Variants in MYO16 observed in about 807,000 individuals in gnomAD.
The protein encoded by MYO16 is unconventional myosin-XVI.
A neutral mutation model predicts 205.3 loss-of-function variants in MYO16; 94 were observed. The observed-to-expected ratio is 0.46, with a 90% CI of 0.39 to 0.54. The LOEUF (loss-of-function observed/expected upper bound fraction) is 0.54, where lower values mean the gene tolerates loss of function less well. MYO16 is among the 20% of genes least tolerant of loss of function. MYO16 has a pLI of 0.00. For synonymous variants in MYO16, 988 were observed against 954.0 expected (o/e 1.04, Z -0.66); for missense variants, 2,315 against 2,387.5 (o/e 0.97, Z 0.63).
intron 1 of MYO16, among the ~76,000 whole-genome samples, chr13:108,660,478 G>C (rs1468879424): frequency 1.3e-5 from 2 of 152,086 alleles, no homozygotes; most frequent in Non-Finnish European, 2.9e-5. Flanking sequence ...TATATATTTA[G>C]GATTGTGATA....
At chr13:108,958,124 A>G (rs1170769660) in intron 17 of MYO16, among the ~76,000 whole-genome samples, 1 of 147,858 alleles carries the variant, frequency 6.8e-6, no homozygotes, top group South Asian at 2.1e-4. Flanking sequence ...TAATATATAC[A>G]TTATATATAT....
intron 16 of MYO16, among the ~76,000 whole-genome samples, chr13:108,915,100 G>T (rs1209344440): frequency 6.6e-6 from 1 of 152,218 alleles, no homozygotes; most frequent in Non-Finnish European, 1.5e-5. Context: ...ACATAGGAAT[G>T]ATATCTAGAA....
rs868246444 is a variant in MYO16 at position 108,706,161 on chromosome 13, C to T, written c.293-6500C>T. On this transcript the variant is annotated intron_variant, in intron 2 of 34. Coordinates refer to ENST00000457511, the MANE Select transcript of MYO16 (RefSeq NM_001198950.3). ...CAAGAAATAATGATAAAACCTTCTA[C>T]CAGGTAATTAAAATCTATATGAAAG... 3.9e-5 allele frequency among the ~76,000 whole-genome samples: 6 copies of T among 152,126 alleles called. No individual in the cohort carries two copies. In the South Asian group the frequency reaches 1.0e-3, roughly 26 times the overall value.
intron 3 of MYO16, among the ~76,000 whole-genome samples, chr13:108,715,239 C>G (rs758475056): frequency 6.6e-6 from 1 of 152,178 alleles, no homozygotes; most frequent in Non-Finnish European, 1.5e-5. Context: ...TTCCACCCAG[C>G]ACATGCCTCT....
At chr13:109,200,958 A>G (rs920780664) in intron 34 of MYO16, among the ~76,000 whole-genome samples, 2 of 152,098 alleles carry the variant, frequency 1.3e-5, no homozygotes, top group South Asian at 4.1e-4. Context: ...TGGTCTATCA[A>G]ACACTAGCAT....
intron 1 of MYO16, 84 bp downstream of exon 1, chr13:108,629,956 C>G: frequency 8.5e-7 from 1 of 1,181,236 alleles, no homozygotes; most frequent in East Asian, 2.6e-5. Flanking sequence ...TAAGGCAGTT[C>G]TCCTGGTATA....
At chr13:108,920,787 A>T (rs979870583) in intron 16 of MYO16, among the ~76,000 whole-genome samples, 2 of 152,220 alleles carry the variant, frequency 1.3e-5, no homozygotes, top group African/African-American at 4.8e-5. Context: ...AACATTGTTT[A>T]TTCCGTATAA....
chr13:108,935,700 C>G (rs917159844), intron 16 of MYO16, among the ~76,000 whole-genome samples: 2 of 152,052 alleles, frequency 1.3e-5, no homozygotes, highest in African/African-American at 4.8e-5. Flanking sequence ...TGGCTTGTTC[C>G]AGTTCTCAAC....
At chr13:109,121,376 T>C (rs1875982555) in intron 29 of MYO16, among the ~76,000 whole-genome samples, 1 of 152,190 alleles carries the variant, frequency 6.6e-6, no homozygotes, top group Admixed American at 6.5e-5. Context: ...GGTGTTCTGA[T>C]GACACAGGTG....
chr13:109,085,557 G>A (rs1025129266), intron 27 of MYO16, among the ~76,000 whole-genome samples: 5 of 152,222 alleles, frequency 3.3e-5, no homozygotes, highest in African/African-American at 1.2e-4. Flanking sequence ...GTGCTATCCA[G>A]AAGGAAATTC....
the MYO16 span, among the ~76,000 whole-genome samples, chr13:108,554,460 C>T: frequency 6.6e-6 from 1 of 152,120 alleles, no homozygotes; most frequent in Non-Finnish European, 1.5e-5. Flanking sequence ...AAGCACTGGC[C>T]ATGTTCTTAT....
chr13:108,914,192 C>G (rs1881387171), intron 16 of MYO16, among the ~76,000 whole-genome samples: 1 of 144,580 alleles, frequency 6.9e-6, no homozygotes, highest in Non-Finnish European at 1.5e-5. Context: ...ATAATTATAT[C>G]TACTATTGTT....
intron 15 of MYO16, among the ~76,000 whole-genome samples, chr13:108,908,739 C>T (rs974722041): frequency 3.3e-5 from 5 of 151,782 alleles, no homozygotes; most frequent in Admixed American, 2.6e-4. Context: ...TTTGGGAGGC[C>T]GAGGTGGGCA....
At chr13:108,844,815 T>C (rs1477768603) in intron 10 of MYO16, among the ~76,000 whole-genome samples, 1 of 152,222 alleles carries the variant, frequency 6.6e-6, no homozygotes, top group African/African-American at 2.4e-5. Context: ...CTGTGTTTTC[T>C]TGGTTTATTT....
At chr13:109,030,643 C>G (rs999366344) in intron 23 of MYO16, among the ~76,000 whole-genome samples, 1 of 152,068 alleles carries the variant, frequency 6.6e-6, no homozygotes, top group Admixed American at 6.5e-5. Context: ...AGCTTATCGA[C>G]TCTCAAGATT....
intron 20 of MYO16, among the ~76,000 whole-genome samples, chr13:108,988,570 T>G (rs1884716953): frequency 6.6e-6 from 1 of 152,150 alleles, no homozygotes; most frequent in African/African-American, 2.4e-5. Context: ...CTTTCCCCAA[T>G]GTGAACCCAT....
At chr13:108,594,626 C>T (rs1225248502), upstream of MYO16, among the ~76,000 whole-genome samples, 1 of 152,190 alleles carries the variant, frequency 6.6e-6, no homozygotes, top group Non-Finnish European at 1.5e-5. Flanking sequence ...CTCAATTCCC[C>T]TGATGCGGCA....
At chr13:108,543,864 G>A in the MYO16 span, among the ~76,000 whole-genome samples, 8 of 148,724 alleles carry the variant, frequency 5.4e-5, no homozygotes, top group Non-Finnish European at 8.9e-5. Context: ...TCAGGAGTTC[G>A]AGACCAGCCC....
intron 9 of MYO16, among the ~76,000 whole-genome samples, chr13:108,824,474 G>A (rs1876150216): frequency 6.6e-6 from 1 of 152,052 alleles, no homozygotes; most frequent in Admixed American, 6.6e-5. Context: ...AGGTAGTGTT[G>A]TGGTTGCTGG....
Sources: allele counts gnomAD v4.1 joint callset (sites outside exome capture counted in the v4.1 genomes callset), GRCh38; gene constraint gnomAD v4.1.1; transcripts MANE v1.5; gene names NCBI Gene and HGNC (gene_info 2026-07-23, HGNC 2026-07-21).